The following TBC1D30 variants were observed in gnomAD, a reference collection of about 807,000 sequenced individuals.
The protein encoded by TBC1D30 is TBC1 domain family, member 30.
TBC1D30 carries 31 observed loss-of-function variants against 63.2 expected under a neutral mutation model. That is an observed-to-expected ratio of 0.49 (90% CI 0.37 to 0.66). The LOEUF (loss-of-function observed/expected upper bound fraction) is 0.66. Ranked by LOEUF, TBC1D30 falls within the 30% of genes least tolerant of loss-of-function variation. The pLI, the probability that TBC1D30 is intolerant of heterozygous loss-of-function variation, is 0.00. For synonymous variants in TBC1D30, 307 were observed against 361.5 expected, an observed-to-expected ratio of 0.85 and a Z score of 1.71; for missense variants, 810 against 953.6, an observed-to-expected ratio of 0.85 and a Z score of 1.98.
chr12:64,797,240 C>G (rs1872334223), intron 2 of TBC1D30, among the ~76,000 whole-genome samples: 1 of 152,168 alleles, frequency 6.6e-6, no homozygotes, highest in Admixed American at 6.5e-5. Flanking sequence ...AACTGTTGGA[C>G]TGTTTCCTAA....
chr12:64,858,059 A>G lies in TBC1D30; in HGVS notation c.1039-6609A>G, dbSNP rs566026968. ...CCATGATATGGAGTTCAAATCAGAT[A>G]TTGTGATTATTCACCTAATTTTTGG... On this transcript the variant is annotated intron_variant, in intron 8 of 11. Coordinates refer to ENST00000539867, the MANE Select transcript of TBC1D30 (RefSeq NM_015279.2). Among the ~76,000 whole-genome samples the G allele has an allele frequency of 3.3e-5, 5 of 152,200 alleles. No homozygotes were observed. The South Asian group carries it at 1.0e-3, about 32-fold the overall frequency.
chr12:64,834,328 T>C (rs556675728), intron 5 of TBC1D30, among the ~76,000 whole-genome samples: 1 of 152,276 alleles, frequency 6.6e-6, no homozygotes, highest in East Asian at 1.9e-4. Flanking sequence ...ATTTAGCACT[T>C]AAGTTTTTAC....
chr12:64,824,748 T>A lies in TBC1D30; in HGVS notation c.-132T>A. The stretch of plus-strand genomic sequence containing the variant: ...CCGTGACCCTCCAGCACCAGCCGGC[T>A]GTGCGCTCCCTGCTCCCACGGGCCG... On this transcript the variant is annotated 5_prime_UTR_variant, in exon 1 of 12. Coordinates refer to ENST00000539867, the MANE Select transcript of TBC1D30 (RefSeq NM_015279.2). 4.7e-6 allele frequency: 6 copies of A among 1,275,538 alleles called. No homozygotes were observed. Among genetic ancestry groups the A allele is most frequent in the Middle Eastern group, 5.5e-4 (2 of 3,620 alleles). The allele number at this position is 1,275,538 out of a possible 1,614,324, so 79.0% of individuals were successfully genotyped here. A position where few individuals can be genotyped will look rare whatever the true frequency, so the allele number is the denominator to read the frequency against.
chr12:64,777,273 G>C (rs1436764960), upstream of TBC1D30, among the ~76,000 whole-genome samples: 1 of 152,154 alleles, frequency 6.6e-6, no homozygotes, highest in Non-Finnish European at 1.5e-5. Context: ...TCAGGCAAGA[G>C]AAAGAAATAA....
At chr12:64,792,249 A>G (rs1448482363) in intron 2 of TBC1D30, among the ~76,000 whole-genome samples, 2 of 152,214 alleles carry the variant, frequency 1.3e-5, no homozygotes, top group Admixed American at 1.3e-4. Context: ...GGCATGTTAA[A>G]AGCTCCCTGT....
chr12:64,761,895 T>A (rs1870527719), intron 1 of TBC1D30, among the ~76,000 whole-genome samples: 1 of 152,222 alleles, frequency 6.6e-6, no homozygotes, highest in Non-Finnish European at 1.5e-5. Context: ...CAGGACCCCT[T>A]TCCGGTAACA....
chr12:64,848,236 A>T (rs77873581), intron 8 of TBC1D30, among the ~76,000 whole-genome samples: 1 of 151,676 alleles, frequency 6.6e-6, no homozygotes. Context: ...GGCATGGAAT[A>T]ACTTTTTCCA....
chr12:64,870,598 G>A lies in TBC1D30; in HGVS notation c.1292-4G>A, dbSNP rs1446719017. On this transcript the variant is annotated splice_polypyrimidine_tract_variant and splice_region_variant and intron_variant, in intron 10 of 11. Coordinates refer to ENST00000539867, the MANE Select transcript of TBC1D30 (RefSeq NM_015279.2). The stretch of plus-strand genomic sequence containing the variant: ...TCTCCTTATGTCTCATCCTTCGAGC[G>A]CAGAGCCAAATGAGGAGCAGAGTCT... 2.4e-5 allele frequency: 37 copies of A among 1,535,762 alleles called. No homozygotes were observed. Among genetic ancestry groups the A allele is most frequent in the South Asian group, 8.3e-5 (7 of 84,066 alleles).
intron 2 of TBC1D30, among the ~76,000 whole-genome samples, chr12:64,804,804 A>C (rs1385230615): frequency 6.6e-6 from 1 of 152,152 alleles, no homozygotes; most frequent in Non-Finnish European, 1.5e-5. Context: ...AATTCTCCTA[A>C]AATCACCCAC....
At chr12:64,833,025 GC>G (rs1434716756) in intron 5 of TBC1D30, among the ~76,000 whole-genome samples, 1 of 152,150 alleles carries the variant, frequency 6.6e-6, no homozygotes, top group East Asian at 1.9e-4. Context: ...ACCAGGTTCA[GC>G]TTATAGTCAA....
chr12:64,799,798 G>A (rs1053726746), intron 2 of TBC1D30, among the ~76,000 whole-genome samples: 3 of 152,192 alleles, frequency 2.0e-5, no homozygotes, highest in African/African-American at 7.2e-5. Flanking sequence ...GGAACATGGG[G>A]AAGTGCGATT....
chr12:64,782,168 A>G (rs574116976), intron 1 of TBC1D30, among the ~76,000 whole-genome samples: 2 of 151,788 alleles, frequency 1.3e-5, no homozygotes, highest in South Asian at 4.2e-4. Context: ...CAAGACCTCC[A>G]TTTACAAAAT....
At chr12:64,783,739 A>C (rs768594115) in intron 1 of TBC1D30, among the ~76,000 whole-genome samples, 4 of 151,522 alleles carry the variant, frequency 2.6e-5, no homozygotes, top group Non-Finnish European at 5.9e-5. Flanking sequence ...GATCACTGGA[A>C]ATGAGATAAT....
chr12:64,799,087 A>C (rs759613309), intron 2 of TBC1D30, among the ~76,000 whole-genome samples: 20 of 152,084 alleles, frequency 1.3e-4, no homozygotes, highest in African/African-American at 1.9e-4. Context: ...TGCTGGGATC[A>C]GGCACCTTTC....
intron 8 of TBC1D30, among the ~76,000 whole-genome samples, chr12:64,862,672 T>C (rs935306476): frequency 2.4e-4 from 36 of 152,232 alleles, no homozygotes; most frequent in South Asian, 2.1e-4. Context: ...ATCCTACTTA[T>C]TGTCTTTAAT....
At chr12:64,851,681 T>G (rs1876884888) in intron 8 of TBC1D30, among the ~76,000 whole-genome samples, 1 of 152,210 alleles carries the variant, frequency 6.6e-6, no homozygotes, top group Non-Finnish European at 1.5e-5. Flanking sequence ...CTTTCCATAT[T>G]TAGTGCTCCC....
Position 64,832,292 on chromosome 12 carries a change from G to A in TBC1D30, c.582G>A (p.Gly194=), listed in dbSNP as rs567603509. The A allele has an allele frequency of 2.0e-5, 30 of 1,535,960 alleles. No individual in the cohort carries two copies. In the South Asian group the frequency reaches 3.2e-4, roughly 16 times the overall value. Residue 194 remains glycine (G), a synonymous_variant, in exon 5 of 12, where the codon GGG becomes GGA. Coordinates refer to ENST00000539867, the MANE Select transcript of TBC1D30 (RefSeq NM_015279.2). ...LILEVMEGNE[G]DALKIMIYLI... ...TGGAAGTGATGGAAGGCAATGAAGGGGATGCCCTGAAAGTGAGTAGCAGGC... is the reference window on the plus strand; with the variant it reads ...TGGAAGTGATGGAAGGCAATGAAGGAGATGCCCTGAAAGTGAGTAGCAGGC...
chr12:64,836,381 T>A, intron 5 of TBC1D30, 109 bp from the exon 6 acceptor site: 1 of 822,918 alleles, frequency 1.2e-6, no homozygotes, highest in Non-Finnish European at 1.9e-6. Flanking sequence ...AAGGATAGCG[T>A]GCTTTGGCTA....
intron 8 of TBC1D30, 63 bp from the exon 9 acceptor site, chr12:64,864,605 A>G: frequency 8.9e-7 from 1 of 1,120,374 alleles, no homozygotes; most frequent in Non-Finnish European, 1.3e-6. Flanking sequence ...ATGTCTTTCC[A>G]GGATTGATAA....
Sources: gnomAD v4.1 joint callset for allele counts (sites outside exome capture counted in the v4.1 genomes callset) on GRCh38, gnomAD v4.1.1 for gene constraint, MANE v1.5 for transcripts, NCBI Gene and HGNC (gene_info 2026-07-23, HGNC 2026-07-21) for gene names.